Variants in SFMBT1 observed in about 807,000 individuals in gnomAD.
SFMBT1 encodes the protein Scm like with four mbt domains 1, also known as scm-like with four MBT domains protein 1.
SFMBT1 carries 32 observed loss-of-function variants against 108.7 expected under a neutral mutation model. That is an observed-to-expected ratio of 0.29 (90% confidence interval 0.22 to 0.40). SFMBT1 has a LOEUF of 0.40. Ranked by LOEUF, SFMBT1 falls within the 10% of genes least tolerant of loss-of-function variation. The probability of loss-of-function intolerance (pLI) is 1.00; values close to 1 mark genes in which losing one functional copy is unlikely to be tolerated. For missense variants in SFMBT1, 816 were observed against 1,059.6 expected (o/e 0.77, Z 3.19); for synonymous variants, 348 against 369.5 (o/e 0.94, Z 0.67).
chr3:53,014,358 A>G (rs1431944696), intron 1 of SFMBT1, among the ~76,000 whole-genome samples: 1 of 152,112 alleles, frequency 6.6e-6, no homozygotes, highest in Non-Finnish European at 1.5e-5. Context: ...TAATGCCAGC[A>G]CTTTGGGAGG....
chr3:52,957,679 A>G (rs1003652529), intron 2 of SFMBT1, among the ~76,000 whole-genome samples: 1 of 152,236 alleles, frequency 6.6e-6, no homozygotes, highest in Non-Finnish European at 1.5e-5. Flanking sequence ...CTGATTTTCA[A>G]CAAACCTGAC....
At chr3:52,969,022 A>G (rs1363516276) in intron 2 of SFMBT1, 79 bp downstream of exon 2, 1 of 1,540,506 alleles carries the variant, frequency 6.5e-7, no homozygotes, top group East Asian at 2.2e-5. Flanking sequence ...GTTCAGTGGT[A>G]GAGAAACAGA....
At chr3:52,985,366 T>C (rs984484154) in intron 1 of SFMBT1, among the ~76,000 whole-genome samples, 2 of 152,216 alleles carry the variant, frequency 1.3e-5, no homozygotes, top group African/African-American at 4.8e-5. Flanking sequence ...TAACCATTTA[T>C]CAAGAAAAAA....
chr3:52,950,154 T>C (rs1244246631), intron 3 of SFMBT1, among the ~76,000 whole-genome samples: 2 of 152,008 alleles, frequency 1.3e-5, no homozygotes, highest in Non-Finnish European at 2.9e-5. Context: ...TTTCTATTTG[T>C]TGCCTTCTTC....
At chr3:52,908,867 G>A (rs113752682) in intron 17 of SFMBT1, among the ~76,000 whole-genome samples, 4 of 152,208 alleles carry the variant, frequency 2.6e-5, no homozygotes, top group South Asian at 4.1e-4. Context: ...CACCGCACCC[G>A]GCTTGACTAT....
chr3:52,992,017 A>T (rs955847001), intron 1 of SFMBT1, among the ~76,000 whole-genome samples: 1 of 150,368 alleles, frequency 6.7e-6, no homozygotes, highest in Admixed American at 6.7e-5. Flanking sequence ...ACACAGGGAT[A>T]AAAAACTCCC....
intron 4 of SFMBT1, among the ~76,000 whole-genome samples, chr3:52,936,104 C>T (rs1052265191): frequency 1.3e-5 from 2 of 152,194 alleles, no homozygotes; most frequent in African/African-American, 4.8e-5. Context: ...TGAAGAGGCA[C>T]ATATGGTCTG....
At chr3:52,921,970 A>G in intron 10 of SFMBT1, 139 bp from the exon 11 acceptor site, 1 of 853,938 alleles carries the variant, frequency 1.2e-6, no homozygotes, top group Non-Finnish European at 1.8e-6. Context: ...TTGCTTTTTA[A>G]TGAAGCAAAA....
intron 1 of SFMBT1, among the ~76,000 whole-genome samples, chr3:52,972,841 A>AACACACACACACAC (rs55688451): frequency 1.1e-4 from 13 of 118,914 alleles, no homozygotes; most frequent in African/African-American, 4.1e-4. Context: ...ATCTCTACTA[A>AACACACACACACAC]ACACACACAC....
intron 3 of SFMBT1, among the ~76,000 whole-genome samples, chr3:52,949,289 T>C (rs915452699): frequency 3.9e-5 from 6 of 152,158 alleles, no homozygotes; most frequent in Non-Finnish European, 5.9e-5. Context: ...TCTTCTGCTG[T>C]TGTTGAAGTA....
intron 1 of SFMBT1, among the ~76,000 whole-genome samples, chr3:53,020,113 A>G (rs539764020): frequency 6.6e-6 from 1 of 152,210 alleles, no homozygotes; most frequent in East Asian, 1.9e-4. Context: ...AGAAAAAAAA[A>G]AGTAGGCCGG....
chr3:52,982,750 A>C (rs1179939588), intron 1 of SFMBT1, among the ~76,000 whole-genome samples: 1 of 139,032 alleles, frequency 7.2e-6, no homozygotes, highest in Non-Finnish European at 1.6e-5. Context: ...AAAAAAAAAA[A>C]AAAGATATAG....
rs752836809 is a variant in SFMBT1, at chr3:52,932,054, C to T, written c.700+8G>A. The stretch of plus-strand genomic sequence containing the variant: ...GTCACAGAAGAAAAATGTCCTATTA[C>T]TCTTCACCTGAAGGGGGCTGAAGCT... On this transcript the variant is annotated splice_region_variant and intron_variant, in intron 6 of 20. Coordinates refer to ENST00000394752, the MANE Select transcript of SFMBT1 (RefSeq NM_016329.4). The T allele has an allele frequency of 4.3e-6, 7 of 1,612,302 alleles. No homozygotes were observed. In the African/African-American group the frequency reaches 9.3e-5, roughly 22 times the overall value.
At chr3:52,968,882 C>T (rs774246618) in intron 2 of SFMBT1, among the ~76,000 whole-genome samples, 4 of 152,066 alleles carry the variant, frequency 2.6e-5, no homozygotes, top group Non-Finnish European at 4.4e-5. Context: ...TATGAGCCAC[C>T]GCGCCCGGCC....
intron 16 of SFMBT1, among the ~76,000 whole-genome samples, chr3:52,911,891 G>C (rs904080138): frequency 2.6e-5 from 4 of 151,990 alleles, no homozygotes; most frequent in Admixed American, 1.3e-4. Flanking sequence ...GTAGAGACAG[G>C]GTTTCACTAT....
intron 3 of SFMBT1, among the ~76,000 whole-genome samples, chr3:52,944,597 G>A (rs558667286): frequency 1.2e-4 from 18 of 152,054 alleles, no homozygotes; most frequent in African/African-American, 4.3e-4. Flanking sequence ...TCGGCTTACC[G>A]CAACCTCTGC....
At chr3:52,928,619 C>CATATAT (rs1341930056) in intron 8 of SFMBT1, 1 of 37,568 alleles carries the variant, frequency 2.7e-5, no homozygotes, top group African/African-American at 6.4e-5. Context: ...CATATATATA[C>CATATAT]ATATATACAT....
At chr3:52,917,773 G>T (rs1305609578) in intron 13 of SFMBT1, among the ~76,000 whole-genome samples, 1 of 152,160 alleles carries the variant, frequency 6.6e-6, no homozygotes. Flanking sequence ...TCTAATGCCT[G>T]ATGATCTGAG....
chr3:53,041,196 T>C (rs1166083077), intron 1 of SFMBT1, among the ~76,000 whole-genome samples: 1 of 151,886 alleles, frequency 6.6e-6, no homozygotes, highest in Non-Finnish European at 1.5e-5. Flanking sequence ...GTTATAAACA[T>C]CCTCTTGAAT....
Sources: gnomAD v4.1 joint callset for allele counts (sites outside exome capture counted in the v4.1 genomes callset) on GRCh38, gnomAD v4.1.1 for gene constraint, MANE v1.5 for transcripts, NCBI Gene and HGNC (gene_info 2026-07-23, HGNC 2026-07-21) for gene names.